RMI1: variants seen among roughly 807,000 people sequenced by gnomAD.
RMI1 encodes the protein recQ-mediated genome instability protein 1.
A neutral mutation model predicts 46.7 loss-of-function variants in RMI1; 36 were observed. The ratio of observed to expected loss-of-function variants is 0.77; its 90% CI spans 0.59 to 1.02. The LOEUF (loss-of-function observed/expected upper bound fraction) is 1.02. Among genes scored for constraint, RMI1 ranks in the 50% least tolerant of loss-of-function variants. RMI1 has a pLI of 0.00. For synonymous variants in RMI1, 250 were observed against 252.9 expected, an observed-to-expected ratio of 0.99 and a Z score of 0.11; for missense variants, 676 against 713.7, an observed-to-expected ratio of 0.95 and a Z score of 0.60.
intron 1 of RMI1, among the ~76,000 whole-genome samples, chr9:83,990,706 C>T (rs1026584698): frequency 4.6e-5 from 7 of 152,018 alleles, no homozygotes; most frequent in East Asian, 1.9e-4. Flanking sequence ...ATGTATGTAT[C>T]GGAATATCAT....
Position 84,002,164 on chromosome 9 carries a change from CT to C in RMI1, c.1179del (p.Val394LeufsTer17), listed in dbSNP as rs761143542. 6.2e-7 allele frequency: 1 copy of C among 1,613,534 alleles called. No homozygotes were observed. The highest frequency in any genetic ancestry group is 1.3e-5 in the African/African-American group (1 of 74,908). The stretch of plus-strand genomic sequence containing the variant: ...GAAGACAAATCATTTGGTTGTCCAT[CT>C]GTTAGAGACCAAAACAGGAGTATTT... ...TNEDKSFGCPSVRDQNRSIFS... is the reference protein window; with the variant it reads ...TNEDKSFGCPXVRDQNRSIFS... On this transcript the variant is annotated frameshift_variant, in exon 3 of 3. Coordinates refer to ENST00000445877, the MANE Select transcript of RMI1 (RefSeq NM_001358291.2). LOFTEE classifies it high-confidence loss of function.
At chr9:83,982,777 T>G (rs1957438524) in intron 1 of RMI1, among the ~76,000 whole-genome samples, 1 of 152,190 alleles carries the variant, frequency 6.6e-6, no homozygotes, top group African/African-American at 2.4e-5. Flanking sequence ...CATTGTGGGA[T>G]GGTTGCTATT....
chr9:84,002,347 G>C lies in RMI1; in HGVS notation c.1361G>C (p.Arg454Thr). Residue 454 changes from arginine (R) to threonine (T), a missense_variant, in exon 3 of 3, where the codon AGG (arginine) becomes ACG (threonine). By Grantham distance (71) the Arg-to-Thr change is moderately conservative. Transcript: ENST00000445877. ...GAGGTGGTCAACTATGTACAGAAAAGGAATTCACAAATTTCTAATGAAAAT... is the reference window on the plus strand; with the variant it reads ...GAGGTGGTCAACTATGTACAGAAAACGAATTCACAAATTTCTAATGAAAAT... ...NREVVNYVQK[R>T]NSQISNENDC... 1 of 1,605,030 alleles carries C rather than the reference G, an allele frequency of 6.2e-7. No individual in the cohort carries two copies. Among genetic ancestry groups the C allele is most frequent in the Non-Finnish European group, 8.5e-7 (1 of 1,172,944 alleles).
In RMI1 at chr9:84,001,937, G is replaced by A. The variant is rs758113730; in HGVS notation, c.951G>A (p.Glu317=). The A allele has an allele frequency of 1.9e-6, 3 of 1,614,046 alleles. No homozygotes were observed. The highest frequency in any genetic ancestry group is 1.7e-4 in the Middle Eastern group (1 of 6,060). ...MDGELDDFSL[E]EALLLEETVQ... is the part of the protein sequence containing the mutation. Reference sequence around the variant, plus strand: ...GAGAATTAGATGACTTTTCACTGGAGGAGGCCTTGCTTTTAGAAGAAACTG... The same window carrying A: ...GAGAATTAGATGACTTTTCACTGGAAGAGGCCTTGCTTTTAGAAGAAACTG... The change falls in exon 3 of 3, where the codon GAG becomes GAA. Residue 317 remains glutamate, a synonymous_variant. Coordinates refer to ENST00000445877, the MANE Select transcript of RMI1 (RefSeq NM_001358291.2).
Position 84,002,379 on chromosome 9 carries a change from A to G in RMI1, c.1393A>G (p.Asn465Asp). 2 of 1,610,560 alleles carry G rather than the reference A, an allele frequency of 1.2e-6. No homozygotes were observed. Among genetic ancestry groups the G allele is most frequent in the Non-Finnish European group, 8.5e-7 (1 of 1,177,664 alleles). ...NSQISNENDC[N>D]LQSCSLRSSE... ...ACAAATTTCTAATGAAAATGATTGTAATTTACAGAGTTGTTCTTTAAGATC... is the reference window on the plus strand; with the variant it reads ...ACAAATTTCTAATGAAAATGATTGTGATTTACAGAGTTGTTCTTTAAGATC... The change falls in exon 3 of 3, where the codon AAT (asparagine) becomes GAT (aspartate). Residue 465 changes from asparagine to aspartate, a missense_variant. Physicochemically the swap from Asn to Asp is conservative, Grantham distance 23. Coordinates refer to ENST00000445877, the MANE Select transcript of RMI1 (RefSeq NM_001358291.2).
At chr9:83,983,452 C>A (rs1204940503) in intron 1 of RMI1, among the ~76,000 whole-genome samples, 4 of 152,032 alleles carry the variant, frequency 2.6e-5, no homozygotes, top group Non-Finnish European at 5.9e-5. Flanking sequence ...TGAACTCATC[C>A]TCAATGAATT....
In RMI1 at chr9:84,002,430, A is replaced by G. The variant is rs1437122862; in HGVS notation, c.1444A>G (p.Ile482Val). ...RSSENSINLSIAMDLYSPPFV... is the reference protein window; with the variant it reads ...RSSENSINLSVAMDLYSPPFV... ...ATCAGAGAATAGCATTAATCTTTCT[A>G]TTGCCATGGATTTGTATTCTCCACC... The change falls in exon 3 of 3, where the codon ATT becomes GTT. Residue 482 changes from isoleucine to valine, a missense_variant. Coordinates refer to ENST00000445877, the MANE Select transcript of RMI1 (RefSeq NM_001358291.2). 15 of 1,613,804 alleles carry G rather than the reference A, an allele frequency of 9.3e-6. No homozygotes were observed. The highest frequency in any genetic ancestry group is 1.3e-5 in the Non-Finnish European group (15 of 1,179,876).
Position 84,002,280 on chromosome 9 carries a change from A to G in RMI1, c.1294A>G (p.Ser432Gly), listed in dbSNP as rs766271589. The change falls in exon 3 of 3, where the codon AGT becomes GGT. Residue 432 changes from serine to glycine, a missense_variant. Coordinates refer to ENST00000445877, the MANE Select transcript of RMI1 (RefSeq NM_001358291.2). ...AGATAATAAAATAAAACAAACCAGC[A>G]GTTCAGATAGCCATTCCTTAAATAA... ...ETDNKIKQTS[S>G]SDSHSLNNKI... 6.2e-7 allele frequency: 1 copy of G among 1,605,068 alleles called. No individual in the cohort carries two copies. Among genetic ancestry groups the G allele is most frequent in the Non-Finnish European group, 8.5e-7 (1 of 1,174,324 alleles).
intron 1 of RMI1, among the ~76,000 whole-genome samples, chr9:83,994,409 T>C (rs1957620106): frequency 6.6e-6 from 1 of 152,210 alleles, no homozygotes; most frequent in South Asian, 2.1e-4. Context: ...TATGTTTACT[T>C]CTAGGAATTT....
chr9:83,981,672 A>T (rs537909240), intron 1 of RMI1, among the ~76,000 whole-genome samples: 1 of 152,362 alleles, frequency 6.6e-6, no homozygotes, highest in Non-Finnish European at 1.5e-5. Flanking sequence ...TTTGAAGCAT[A>T]AAGGTGTCAT....
chr9:83,997,031 G>A (rs891642695), intron 1 of RMI1, among the ~76,000 whole-genome samples: 2 of 151,104 alleles, frequency 1.3e-5, no homozygotes, highest in Admixed American at 6.6e-5. Flanking sequence ...TAAAGATAGA[G>A]GTGGATTCCC....
chr9:83,986,202 G>A (rs1391806115), intron 1 of RMI1, among the ~76,000 whole-genome samples: 1 of 152,184 alleles, frequency 6.6e-6, no homozygotes, highest in Non-Finnish European at 1.5e-5. Context: ...CTATGTCGAA[G>A]CTATCACAAA....
intron 1 of RMI1, among the ~76,000 whole-genome samples, chr9:83,982,747 TATTC>T (rs1447032326): frequency 1.3e-5 from 2 of 152,182 alleles, no homozygotes; most frequent in African/African-American, 4.8e-5. Context: ...TGGTGTAAAT[TATTC>T]ATCCCCTCTA....
At chr9:83,997,046 C>A (rs920518012) in intron 1 of RMI1, among the ~76,000 whole-genome samples, 10 of 150,484 alleles carry the variant, frequency 6.6e-5, no homozygotes, top group Non-Finnish European at 1.5e-4. Context: ...ATTCCCCCCC[C>A]CTTTTTTTTT....
chr9:83,990,644 T>C (rs1182177045), intron 1 of RMI1, among the ~76,000 whole-genome samples: 1 of 152,100 alleles, frequency 6.6e-6, no homozygotes, highest in African/African-American at 2.4e-5. Context: ...AAATGATAAA[T>C]GTGTGAAGTG....
At position 83,985,195 on chromosome 9, in the gene RMI1, T is replaced by C. The variant is rs980781733; in HGVS notation, c.-126+4304T>C. Among the ~76,000 whole-genome samples the C allele has an allele frequency of 3.9e-5, 6 of 152,372 alleles. 1 individual carries two copies. The South Asian group carries it at 1.2e-3, about 32-fold the overall frequency. ...AATATTTTTCCATTTGATTAAACAT[T>C]TTAATAAGCTTCTCTTTCTAATCTG... On this transcript the variant is annotated intron_variant, in intron 1 of 2. Coordinates refer to ENST00000445877, the MANE Select transcript of RMI1 (RefSeq NM_001358291.2).
chr9:84,002,623 T>A lies in RMI1; in HGVS notation c.1637T>A (p.Val546Glu). 6.2e-7 allele frequency: 1 copy of A among 1,613,976 alleles called. No individual in the cohort carries two copies. The highest frequency in any genetic ancestry group is 8.5e-7 in the Non-Finnish European group (1 of 1,179,912). The change falls in exon 3 of 3, where the codon GTG becomes GAG. Residue 546 changes from valine to glutamate, a missense_variant. Physicochemically the swap from Val to Glu is moderately radical, Grantham distance 121. Transcript: ENST00000445877. ...DGTAYLDVDF[V>E]DEILTSLIGF... is the part of the protein sequence containing the mutation. The stretch of plus-strand genomic sequence containing the variant: ...ACTGCATATCTAGATGTAGACTTTG[T>A]GGATGAAATACTTACTAGCTTGATA...
At chr9:84,000,142 A>C (rs1957717125) in intron 2 of RMI1, among the ~76,000 whole-genome samples, 1 of 152,232 alleles carries the variant, frequency 6.6e-6, no homozygotes, top group South Asian at 2.1e-4. Flanking sequence ...TTGCACATAC[A>C]TAAAGAACAT....
intron 1 of RMI1, among the ~76,000 whole-genome samples, chr9:83,982,082 A>G (rs1268971371): frequency 2.0e-5 from 3 of 152,250 alleles, no homozygotes; most frequent in African/African-American, 7.2e-5. Flanking sequence ...CTCGCATTTC[A>G]GTTCTAAAAC....
Sources: gnomAD v4.1 joint callset for allele counts (sites outside exome capture counted in the v4.1 genomes callset) on GRCh38, gnomAD v4.1.1 for gene constraint, MANE v1.5 for transcripts, NCBI Gene and HGNC (gene_info 2026-07-23, HGNC 2026-07-21) for gene names.